MAML3: variants seen among roughly 807,000 people sequenced by gnomAD.
MAML3 encodes the protein mastermind like transcriptional coactivator 3.
A neutral mutation model predicts 101.9 loss-of-function variants in MAML3; 27 were observed. The observed-to-expected ratio is 0.27, with a 90% confidence interval of 0.20 to 0.37. The LOEUF is 0.37. Among genes scored for constraint, MAML3 ranks in the 10% least tolerant of loss-of-function variants. The pLI, the probability that MAML3 is intolerant of heterozygous loss-of-function variation, is 1.00. For missense variants in MAML3, 1,316 were observed against 1,444.9 expected, an observed-to-expected ratio of 0.91 and a Z score of 1.45; for synonymous variants, 501 against 555.9, an observed-to-expected ratio of 0.90 and a Z score of 1.39.
In MAML3 at chr4:140,108,856, C is replaced by A. The variant is rs867997723; in HGVS notation, c.468+44004G>T. On this transcript the variant is annotated intron_variant, in intron 1 of 4. Coordinates refer to ENST00000509479, the MANE Select transcript of MAML3 (RefSeq NM_018717.5). Reference sequence around the variant, plus strand: ...ACACTGCCTGACTCAGGGGCCCTACCAGGAAACAACCACTGCCTCATCTGC... The same window carrying A: ...ACACTGCCTGACTCAGGGGCCCTACAAGGAAACAACCACTGCCTCATCTGC... 4.6e-5 allele frequency among the ~76,000 whole-genome samples: 7 copies of A among 152,212 alleles called. No individual in the cohort carries two copies. The South Asian group carries it at 1.5e-3, about 32-fold the overall frequency.
chr4:140,049,207 C>G (rs760820727), intron 1 of MAML3, among the ~76,000 whole-genome samples: 12 of 152,158 alleles, frequency 7.9e-5, no homozygotes, highest in African/African-American at 2.4e-5. Context: ...TAGGATTCAC[C>G]TCCCCCATTC....
At chr4:140,114,485 C>T (rs567825307) in intron 1 of MAML3, among the ~76,000 whole-genome samples, 1 of 152,296 alleles carries the variant, frequency 6.6e-6, no homozygotes, top group Admixed American at 6.5e-5. Context: ...AATTACGTAG[C>T]TGTATATAGC....
Position 139,889,459 on chromosome 4 carries a change from G to T in MAML3, c.1977C>A (p.Pro659=), listed in dbSNP as rs199944316. 3.8e-4 allele frequency: 619 copies of T among 1,613,922 alleles called. 3 individuals carry two copies. The Middle Eastern group carries it at 9.3e-3, about 24-fold the overall frequency. ...TCTGGTCTTCGCTCAGGTGTGCCCTGGGGGCCTGGAGCTGTGGAGGTGGCG... is the reference window on the plus strand; with the variant it reads ...TCTGGTCTTCGCTCAGGTGTGCCCTTGGGGCCTGGAGCTGTGGAGGTGGCG... ...QQPPPPQLQA[P]RAHLSEDQKR... Residue 659 remains proline (P), a synonymous_variant, in exon 2 of 5, where the codon CCC becomes CCA. Coordinates refer to ENST00000509479, the MANE Select transcript of MAML3 (RefSeq NM_018717.5).
intron 1 of MAML3, among the ~76,000 whole-genome samples, chr4:140,026,286 AC>A (rs1300066705): frequency 6.6e-6 from 1 of 151,794 alleles, no homozygotes; most frequent in Non-Finnish European, 1.5e-5. Context: ...ACGGAATCTC[AC>A]TCTGTGGCCC....
chr4:139,998,712 T>A (rs886396970), intron 1 of MAML3, among the ~76,000 whole-genome samples: 1 of 152,214 alleles, frequency 6.6e-6, no homozygotes, highest in African/African-American at 2.4e-5. Flanking sequence ...GATTCTGGTA[T>A]TTTTCCCCTG....
At chr4:140,030,873 A>G (rs1421975018) in intron 1 of MAML3, among the ~76,000 whole-genome samples, 2 of 152,234 alleles carry the variant, frequency 1.3e-5, no homozygotes, top group African/African-American at 4.8e-5. Context: ...CTGCTGTGTT[A>G]AGCAGAGATG....
intron 4 of MAML3, among the ~76,000 whole-genome samples, chr4:139,723,466 A>G (rs890496244): frequency 6.6e-6 from 1 of 152,026 alleles, no homozygotes; most frequent in Non-Finnish European, 1.5e-5. Flanking sequence ...ATGCGCCACT[A>G]TGCCTGGCTA....
intron 1 of MAML3, among the ~76,000 whole-genome samples, chr4:139,931,637 C>T (rs1179409061): frequency 2.0e-5 from 3 of 152,116 alleles, no homozygotes; most frequent in Non-Finnish European, 4.4e-5. Context: ...TAAACTTCTG[C>T]CCCAGGCTCA....
At chr4:139,905,552 G>T (rs960274603) in intron 1 of MAML3, among the ~76,000 whole-genome samples, 6 of 147,200 alleles carry the variant, frequency 4.1e-5, no homozygotes, top group Admixed American at 2.7e-4. Context: ...TAAAATATTC[G>T]AAGTGATCTG....
chr4:139,948,150 C>T (rs1046023117), intron 1 of MAML3, among the ~76,000 whole-genome samples: 15 of 133,214 alleles, frequency 1.1e-4, no homozygotes, highest in Non-Finnish European at 9.5e-5. Context: ...TAAAAACTAC[C>T]ACTCTACACT....
Position 139,718,049 on chromosome 4 carries a change from T to C in MAML3, c.*1274A>G, listed in dbSNP as rs1728062320. 6.6e-6 allele frequency: 1 copy of C among 152,178 alleles called. No homozygotes were observed. Among genetic ancestry groups the C allele is most frequent in the South Asian group, 2.1e-4 (1 of 4,834 alleles). The allele number at this position is 152,178 out of a possible 1,614,324, so 9.4% of individuals were successfully genotyped here. A position where few individuals can be genotyped will look rare whatever the true frequency, so the allele number is the denominator to read the frequency against. The stretch of plus-strand genomic sequence containing the variant: ...CCTCTCTGGGATTTTATATTTGTCT[T>C]TCTGATGAGTAGGGATGATGGGAAA... On this transcript the variant is annotated 3_prime_UTR_variant, in exon 5 of 5. Coordinates refer to ENST00000509479, the MANE Select transcript of MAML3 (RefSeq NM_018717.5).
chr4:139,856,400 T>C (rs1338564138), intron 2 of MAML3, among the ~76,000 whole-genome samples: 6 of 152,210 alleles, frequency 3.9e-5, no homozygotes, highest in Admixed American at 1.3e-4. Context: ...GGACCTGCAA[T>C]GTAGAGACCT....
At chr4:139,829,888 T>C (rs1731131383) in intron 2 of MAML3, among the ~76,000 whole-genome samples, 1 of 152,218 alleles carries the variant, frequency 6.6e-6, no homozygotes. Context: ...TATCAGTTAT[T>C]ATCAGCATGT....
intron 2 of MAML3, among the ~76,000 whole-genome samples, chr4:139,853,123 C>G (rs1272862434): frequency 6.6e-6 from 1 of 152,162 alleles, no homozygotes; most frequent in Non-Finnish European, 1.5e-5. Flanking sequence ...CCACAGTCAG[C>G]CCTAGTATCC....
intron 1 of MAML3, among the ~76,000 whole-genome samples, chr4:139,918,355 G>A (rs771034243): frequency 3.9e-5 from 6 of 152,106 alleles, no homozygotes; most frequent in South Asian, 2.1e-4. Context: ...CCAGGTGGCC[G>A]CGCTGGCCTC....
intron 1 of MAML3, among the ~76,000 whole-genome samples, chr4:140,020,769 G>C (rs1375158202): frequency 6.6e-6 from 1 of 152,118 alleles, no homozygotes; most frequent in Non-Finnish European, 1.5e-5. Context: ...TGCAAAACTT[G>C]CAAAGAGGAG....
At chr4:139,829,204 G>A (rs1175789426) in intron 2 of MAML3, among the ~76,000 whole-genome samples, 2 of 146,152 alleles carry the variant, frequency 1.4e-5, no homozygotes, top group Admixed American at 6.9e-5. Flanking sequence ...AGGAAGGAGG[G>A]AGGAAGGAAG....
At chr4:140,025,859 C>G (rs951963682) in intron 1 of MAML3, among the ~76,000 whole-genome samples, 4 of 152,204 alleles carry the variant, frequency 2.6e-5, no homozygotes, top group Non-Finnish European at 5.9e-5. Context: ...TTAAAAACCT[C>G]TCCCATGGAT....
chr4:140,118,422 A>G (rs1024744444), intron 1 of MAML3, among the ~76,000 whole-genome samples: 2 of 152,216 alleles, frequency 1.3e-5, no homozygotes, highest in Non-Finnish European at 2.9e-5. Context: ...TAAGTAGCAT[A>G]TAAGTATTAG....
Sources: gnomAD v4.1 joint callset for allele counts (sites outside exome capture counted in the v4.1 genomes callset) on GRCh38, gnomAD v4.1.1 for gene constraint, MANE v1.5 for transcripts, NCBI Gene and HGNC (gene_info 2026-07-23, HGNC 2026-07-21) for gene names.